GRIN2B: variants seen among roughly 807,000 people sequenced by gnomAD.
The protein encoded by GRIN2B is glutamate ionotropic receptor NMDA type subunit 2B, also known as glutamate receptor ionotropic, NMDA 2B.
In GRIN2B, 5 loss-of-function variants were observed where a neutral mutation model predicts 114.5. The ratio of observed to expected loss-of-function variants is 0.04; its 90% CI spans 0.02 to 0.09. The LOEUF (loss-of-function observed/expected upper bound fraction) is 0.09. GRIN2B is among the 10% of genes least tolerant of loss of function. GRIN2B has a pLI of 1.00. For synonymous variants in GRIN2B, 787 were observed against 745.1 expected (o/e 1.06, Z -0.92); for missense variants, 1,108 against 1,943.5 (o/e 0.57, Z 8.08).
At chr12:13,628,870 T>A (rs1033840845) in intron 5 of GRIN2B, among the ~76,000 whole-genome samples, 2 of 152,168 alleles carry the variant, frequency 1.3e-5, no homozygotes, top group African/African-American at 4.8e-5. Context: ...AGTGTGATCA[T>A]CCAGGAAATT....
At chr12:13,758,134 T>C (rs1005521160) in intron 3 of GRIN2B, among the ~76,000 whole-genome samples, 16 of 152,268 alleles carry the variant, frequency 1.1e-4, no homozygotes, top group African/African-American at 3.9e-4. Context: ...TTGCCCTAAC[T>C]CTAGACAACT....
intron 3 of GRIN2B, among the ~76,000 whole-genome samples, chr12:13,806,782 A>T (rs1184302687): frequency 6.6e-6 from 1 of 151,956 alleles, no homozygotes; most frequent in Non-Finnish European, 1.5e-5. Flanking sequence ...TCATATTTTT[A>T]AAAAATCTTT....
chr12:13,574,781 A>ATAAC (rs1948753319), intron 10 of GRIN2B, among the ~76,000 whole-genome samples: 2 of 152,238 alleles, frequency 1.3e-5, no homozygotes, highest in African/African-American at 4.8e-5. Flanking sequence ...AATAGCCAAG[A>ATAAC]TAACTTTGAA....
In GRIN2B at chr12:13,596,029, GA is replaced by G. The variant is rs552457574; in HGVS notation, c.2010+12573del. On this transcript the variant is annotated intron_variant, in intron 10 of 13. Transcript: ENST00000609686. Reference sequence around the variant, plus strand: ...GTTCAAGTGCATTTTTTTTCTGTAAGAAAAAAAAAAAAGGCTCACTTCCCAG... The same window carrying G: ...GTTCAAGTGCATTTTTTTTCTGTAAGAAAAAAAAAAAGGCTCACTTCCCAG... Among the ~76,000 whole-genome samples the G allele has an allele frequency of 8.9e-3, 1,214 of 136,668 alleles. 9 individuals carry two copies. The highest frequency in any genetic ancestry group is 9.6e-3 in the Admixed American group (131 of 13,638). The allele number at this position is 136,668 out of a possible 152,430, so 89.7% of individuals were successfully genotyped here.
At chr12:13,770,674 C>T (rs1565531161) in intron 3 of GRIN2B, among the ~76,000 whole-genome samples, 1 of 152,110 alleles carries the variant, frequency 6.6e-6, no homozygotes, top group Non-Finnish European at 1.5e-5. Flanking sequence ...TAAAGGTATT[C>T]TGTAATGGAC....
rs1378640761 is a variant in GRIN2B at position 13,546,117 on chromosome 12, A to G, written c.*16666T>C. ...AACTTTGTGATCCAAAATCATTCCA[A>G]TATTGAAAAAAAAAGGTTCAGCTAA... is the stretch of plus-strand genomic sequence containing the variant. On this transcript the variant is annotated 3_prime_UTR_variant, in exon 14 of 14. Coordinates refer to ENST00000609686, the MANE Select transcript of GRIN2B (RefSeq NM_000834.5). The G allele has an allele frequency of 2.6e-5, 4 of 152,086 alleles. No individual in the cohort carries two copies. Among genetic ancestry groups the G allele is most frequent in the African/African-American group, 9.7e-5 (4 of 41,392 alleles). 9.4% of individuals were successfully genotyped at this position (152,086 alleles called of 1,614,324 possible).
chr12:13,899,257 C>G (rs983223731), intron 2 of GRIN2B, among the ~76,000 whole-genome samples: 10 of 150,814 alleles, frequency 6.6e-5, no homozygotes, highest in African/African-American at 1.5e-4. Flanking sequence ...AAAACAAAAA[C>G]AAACAAACGA....
intron 10 of GRIN2B, among the ~76,000 whole-genome samples, chr12:13,607,374 T>TAA (rs1565473756): frequency 0.01 from 393 of 38,382 alleles, 3 homozygotes; most frequent in African/African-American, 0.015. Flanking sequence ...ATATTATATA[T>TAA]TATATATATA....
intron 4 of GRIN2B, among the ~76,000 whole-genome samples, chr12:13,690,367 TCTCTCTCACACA>T (rs1950206527): frequency 1.7e-5 from 1 of 58,670 alleles, no homozygotes; most frequent in Non-Finnish European, 4.0e-5. Flanking sequence ...TCTCTCTCTC[TCTCTCTCACACA>T]CACACACACA....
chr12:13,705,442 G>C (rs1425280029), intron 4 of GRIN2B, among the ~76,000 whole-genome samples: 1 of 152,090 alleles, frequency 6.6e-6, no homozygotes, highest in African/African-American at 2.4e-5. Context: ...TAATTTAAAA[G>C]TATACTATAT....
intron 10 of GRIN2B, among the ~76,000 whole-genome samples, chr12:13,584,083 A>G (rs2136430872): frequency 6.6e-6 from 1 of 152,250 alleles, no homozygotes; most frequent in African/African-American, 2.4e-5. Context: ...AGAAGAACGA[A>G]GGAGAGGAAG....
In GRIN2B at chr12:13,562,563, C is replaced by T. The variant is rs201562857; in HGVS notation, c.*220G>A. 1.7e-5 allele frequency: 10 copies of T among 573,054 alleles called. No homozygotes were observed. Among genetic ancestry groups the T allele is most frequent in the Admixed American group, 9.0e-5 (3 of 33,170 alleles). 35.5% of individuals were successfully genotyped at this position (573,054 alleles called of 1,614,324 possible). On this transcript the variant is annotated 3_prime_UTR_variant, in exon 14 of 14. Transcript: ENST00000609686. Reference sequence around the variant, plus strand: ...TCATGGGAACAGGAATGGCTGACAGCGGGGGGAAGAAGGAGAGAACTGTGA... The same window carrying T: ...TCATGGGAACAGGAATGGCTGACAGTGGGGGGAAGAAGGAGAGAACTGTGA...
chr12:13,821,178 C>T (rs2136693182), intron 3 of GRIN2B, among the ~76,000 whole-genome samples: 2 of 152,248 alleles, frequency 1.3e-5, no homozygotes, highest in South Asian at 4.2e-4. Flanking sequence ...CTACCCTAAA[C>T]CACCTCCCAA....
At chr12:13,850,773 T>C (rs1865548081) in intron 3 of GRIN2B, among the ~76,000 whole-genome samples, 2 of 152,180 alleles carry the variant, frequency 1.3e-5, no homozygotes, top group Non-Finnish European at 2.9e-5. Flanking sequence ...TAAATAAAAG[T>C]GTTCAAAATA....
intron 2 of GRIN2B, chr12:13,977,519 A>T (rs190723526): frequency 6.6e-6 from 1 of 152,242 alleles, no homozygotes; most frequent in Admixed American, 6.5e-5. Context: ...ACTTTTCTTA[A>T]TTGCACATCA....
At chr12:13,815,039 A>T (rs898475924) in intron 3 of GRIN2B, among the ~76,000 whole-genome samples, 2 of 152,190 alleles carry the variant, frequency 1.3e-5, no homozygotes, top group Non-Finnish European at 2.9e-5. Context: ...TGTAAAATTC[A>T]CCTTTTATAG....
rs986693581 is a variant in GRIN2B at position 13,842,993 on chromosome 12, T to G, written c.411+22805A>C. Among the ~76,000 whole-genome samples the G allele has an allele frequency of 1.0e-4, 14 of 135,580 alleles. 1 individual carries two copies. Among genetic ancestry groups the G allele is most frequent in the Admixed American group, 5.7e-4 (8 of 14,036 alleles). The allele number at this position is 135,580 out of a possible 152,430, so 88.9% of individuals were successfully genotyped here. A position where few individuals can be genotyped will look rare whatever the true frequency, so the allele number is the denominator to read the frequency against. On this transcript the variant is annotated intron_variant, in intron 3 of 13. Coordinates refer to ENST00000609686, the MANE Select transcript of GRIN2B (RefSeq NM_000834.5). The stretch of plus-strand genomic sequence containing the variant: ...CTTTTTAATTTTTTGCGGTGTTTTG[T>G]TTTTTTTTAATTTTTACTTTTTAAA...
At chr12:13,790,050 G>T (rs1864293373) in intron 3 of GRIN2B, among the ~76,000 whole-genome samples, 1 of 152,136 alleles carries the variant, frequency 6.6e-6, no homozygotes, top group African/African-American at 2.4e-5. Context: ...CTCCTCCTTT[G>T]AGACAACTGC....
At chr12:13,571,702 T>G in intron 11 of GRIN2B, 102 bp downstream of exon 11, 1 of 1,248,488 alleles carries the variant, frequency 8.0e-7, no homozygotes. Flanking sequence ...CTTTAACATT[T>G]TATGATACCA....
Sources: gnomAD v4.1 joint callset for allele counts (sites outside exome capture counted in the v4.1 genomes callset) on GRCh38, gnomAD v4.1.1 for gene constraint, MANE v1.5 for transcripts, NCBI Gene and HGNC (gene_info 2026-07-23, HGNC 2026-07-21) for gene names.